Variants in CLEC4A observed in about 807,000 individuals in gnomAD.
The protein encoded by CLEC4A is C-type (calcium dependent, carbohydrate-recognition domain) lectin, superfamily member 6.
Under a neutral mutation model 32.7 loss-of-function variants are expected in CLEC4A, and 27 were observed. That is an observed-to-expected ratio of 0.83 (90% CI 0.61 to 1.14). CLEC4A has a LOEUF of 1.14. Among genes scored for constraint, CLEC4A ranks in the 50% most tolerant of loss-of-function variants. The pLI, the probability that CLEC4A is intolerant of heterozygous loss-of-function variation, is 0.00. For synonymous variants in CLEC4A, 89 were observed against 93.7 expected (o/e 0.95, Z 0.29); for missense variants, 253 against 274.6 (o/e 0.92, Z 0.55).
At chr12:8,105,679 G>A in the CLEC4A span, among the ~76,000 whole-genome samples, 1 of 152,058 alleles carries the variant, frequency 6.6e-6, no homozygotes, top group Admixed American at 6.5e-5. Flanking sequence ...TATGCTTGTT[G>A]GCCATGTGTC....
chr12:8,108,650 AT>A, the CLEC4A span, among the ~76,000 whole-genome samples: 75 of 152,266 alleles, frequency 4.9e-4, no homozygotes, highest in Middle Eastern at 3.4e-3. Context: ...TTATTTCAAA[AT>A]TTTGCTAGAA....
At chr12:8,119,898 TCC>T (rs1412381710), upstream of CLEC4A, among the ~76,000 whole-genome samples, 5 of 152,234 alleles carry the variant, frequency 3.3e-5, no homozygotes, top group Non-Finnish European at 7.4e-5. Flanking sequence ...TTTCCCATGA[TCC>T]CTTCAGGTTT....
At chr12:8,133,448 A>G (rs1948035880) in intron 3 of CLEC4A, among the ~76,000 whole-genome samples, 1 of 150,602 alleles carries the variant, frequency 6.6e-6, no homozygotes, top group African/African-American at 2.4e-5. Flanking sequence ...TGCTGAGTCC[A>G]TCCACTGAGC....
chr12:8,135,640 C>T lies in CLEC4A; in HGVS notation c.354C>T (p.Tyr118=), dbSNP rs1469196209. 8.7e-6 allele frequency: 14 copies of T among 1,614,112 alleles called. No individual in the cohort carries two copies. Among genetic ancestry groups the T allele is most frequent in the Non-Finnish European group, 1.2e-5 (14 of 1,180,032 alleles). Reference sequence around the variant, plus strand: ...GGAAGTCATTTAGTTCCAACTGCTACTTTATTTCTACTGAATCAGCATCTT... The same window carrying T: ...GGAAGTCATTTAGTTCCAACTGCTATTTTATTTCTACTGAATCAGCATCTT... ...KNWKSFSSNC[Y]FISTESASWQ... Residue 118 remains tyrosine, a synonymous_variant, in exon 4 of 6, where the codon TAC becomes TAT. Transcript: ENST00000229332.
the CLEC4A span, among the ~76,000 whole-genome samples, chr12:8,113,191 C>T: frequency 1.4e-5 from 2 of 146,216 alleles, no homozygotes; most frequent in Non-Finnish European, 3.0e-5. Flanking sequence ...TGTTCAATTC[C>T]CACCTGTGAG....
chr12:8,116,776 A>G, the CLEC4A span, among the ~76,000 whole-genome samples: 1 of 152,176 alleles, frequency 6.6e-6, no homozygotes, highest in African/African-American at 2.4e-5. Flanking sequence ...AATTTGGGAA[A>G]TAACCGGAGG....
chr12:8,134,510 G>A, intron 3 of CLEC4A: 1 of 1,613,858 alleles, frequency 6.2e-7, no homozygotes, highest in African/African-American at 1.3e-5. Flanking sequence ...GGACGGTGCA[G>A]GGCTCCGGGG....
chr12:8,134,055 G>C, intron 3 of CLEC4A: 1 of 1,593,768 alleles, frequency 6.3e-7, no homozygotes, highest in Non-Finnish European at 8.6e-7. Flanking sequence ...TCCAGCCCAA[G>C]CTGCTGGGCG....
chr12:8,135,742 T>G lies in CLEC4A; in HGVS notation c.450+6T>G, dbSNP rs372985645. 7.2e-5 allele frequency: 116 copies of G among 1,613,466 alleles called. No individual in the cohort carries two copies. The African/African-American group carries it at 1.4e-3, about 20-fold the overall frequency. On this transcript the variant is annotated splice_donor_region_variant and intron_variant, in intron 4 of 5. Transcript: ENST00000229332. Reference sequence around the variant, plus strand: ...TAAACACTCAAGAAGAGCAGGTACTTTCTAATAGATAATGGGGCTGTGAGC... The same window carrying G: ...TAAACACTCAAGAAGAGCAGGTACTGTCTAATAGATAATGGGGCTGTGAGC...
chr12:8,129,203 C>T (rs1480395883), intron 2 of CLEC4A, 61 bp from the exon 3 acceptor site: 48 of 1,051,488 alleles, frequency 4.6e-5, no homozygotes, highest in Middle Eastern at 2.8e-4. Context: ...AAGAAAGTAA[C>T]GATAAAGAGC....
chr12:8,134,351 C>G, intron 3 of CLEC4A: 1 of 1,612,382 alleles, frequency 6.2e-7, no homozygotes, highest in Non-Finnish European at 8.5e-7. Context: ...CAGGGTGAGC[C>G]ACATCGGCCT....
At chr12:8,104,600 C>T in the CLEC4A span, among the ~76,000 whole-genome samples, 1 of 152,096 alleles carries the variant, frequency 6.6e-6, no homozygotes, top group Non-Finnish European at 1.5e-5. Context: ...ATTTTAGATT[C>T]AGAGGTATAT....
the CLEC4A span, among the ~76,000 whole-genome samples, chr12:8,108,821 C>T: frequency 6.6e-6 from 1 of 151,096 alleles, no homozygotes; most frequent in Non-Finnish European, 1.5e-5. Flanking sequence ...TAACATCATC[C>T]CCTCAATTAA....
the CLEC4A span, among the ~76,000 whole-genome samples, chr12:8,114,708 A>T: frequency 2.0e-5 from 3 of 152,118 alleles, no homozygotes; most frequent in Non-Finnish European, 4.4e-5. Flanking sequence ...AATTATATGG[A>T]AGTCTCAATT....
chr12:8,114,287 C>A, the CLEC4A span, among the ~76,000 whole-genome samples: 1 of 152,118 alleles, frequency 6.6e-6, no homozygotes, highest in African/African-American at 2.4e-5. Context: ...CTCTGTCGCC[C>A]AGGCTGGAGT....
chr12:8,121,523 G>A (rs1947830519), upstream of CLEC4A: 1 of 152,744 alleles, frequency 6.5e-6, no homozygotes, highest in African/African-American at 2.4e-5. Context: ...TTAGCAGGGT[G>A]AGAAGGGTGA....
chr12:8,113,159 T>C, the CLEC4A span, among the ~76,000 whole-genome samples: 12 of 135,824 alleles, frequency 8.8e-5, no homozygotes, highest in East Asian at 4.7e-4. Context: ...ATGTTCCCCT[T>C]TCTGTGTCCA....
chr12:8,134,669 G>A lies in CLEC4A; in HGVS notation c.299-916G>A, dbSNP rs767978750. 2.0e-5 allele frequency: 31 copies of A among 1,586,232 alleles called. No individual in the cohort carries two copies. The African/African-American group carries it at 4.0e-4, about 21-fold the overall frequency. ...AGAACTCATACGGCGGGGGACATGG[G>A]GGAATCCCCCACTCCTCAGAGCCTG... On this transcript the variant is annotated intron_variant, in intron 3 of 5. Transcript: ENST00000229332.
chr12:8,105,117 T>A, the CLEC4A span, among the ~76,000 whole-genome samples: 137 of 152,318 alleles, frequency 9.0e-4, no homozygotes, highest in Middle Eastern at 3.4e-3. Context: ...GATTACTGGG[T>A]TGAATGGTAG....
Sources: gnomAD v4.1 joint callset for allele counts (sites outside exome capture counted in the v4.1 genomes callset) on GRCh38, gnomAD v4.1.1 for gene constraint, MANE v1.5 for transcripts, NCBI Gene and HGNC (gene_info 2026-07-23, HGNC 2026-07-21) for gene names.